Variants in PHACTR1 observed in about 807,000 individuals in gnomAD.
PHACTR1 encodes phosphatase and actin regulator 1.
Under a neutral mutation model 69.2 loss-of-function variants are expected in PHACTR1, and 16 were observed. The observed-to-expected ratio is 0.23, with a 90% CI of 0.16 to 0.35. The LOEUF is 0.35. Among genes scored for constraint, PHACTR1 ranks in the 10% least tolerant of loss-of-function variants. The pLI, the probability that PHACTR1 is intolerant of heterozygous loss-of-function variation, is 1.00. For missense variants in PHACTR1, 510 were observed against 734.7 expected (o/e 0.69, Z 3.54); for synonymous variants, 312 against 284.5 (o/e 1.10, Z -0.97).
At chr6:12,904,348 A>G (rs1179576472) in intron 4 of PHACTR1, among the ~76,000 whole-genome samples, 6 of 152,038 alleles carry the variant, frequency 3.9e-5, no homozygotes, top group Admixed American at 2.6e-4. Context: ...CCTGCCCAAC[A>G]TGGTGAAACC....
intron 4 of PHACTR1, among the ~76,000 whole-genome samples, chr6:12,990,851 C>T (rs1397140695): frequency 1.3e-5 from 2 of 152,036 alleles, no homozygotes; most frequent in African/African-American, 2.4e-5. Context: ...TGATCTTTCC[C>T]AGAGACGACC....
At chr6:12,738,904 CT>C (rs1764673484) in intron 3 of PHACTR1, among the ~76,000 whole-genome samples, 1 of 152,032 alleles carries the variant, frequency 6.6e-6, no homozygotes, top group Non-Finnish European at 1.5e-5. Flanking sequence ...GAGCCTTCCC[CT>C]ATTCTGAATT....
At chr6:13,156,113 T>A (rs1473499408) in intron 5 of PHACTR1, among the ~76,000 whole-genome samples, 1 of 152,198 alleles carries the variant, frequency 6.6e-6, no homozygotes, top group Non-Finnish European at 1.5e-5. Flanking sequence ...GCCCTTCCAC[T>A]TACAGCTGTG....
chr6:12,925,916 C>T (rs756525833), intron 4 of PHACTR1, among the ~76,000 whole-genome samples: 5 of 152,230 alleles, frequency 3.3e-5, no homozygotes, highest in Non-Finnish European at 7.3e-5. Context: ...CACTTTCCAT[C>T]CTAACATGAA....
intron 4 of PHACTR1, among the ~76,000 whole-genome samples, chr6:12,920,484 T>C (rs1309358925): frequency 6.6e-6 from 1 of 152,242 alleles, no homozygotes; most frequent in Non-Finnish European, 1.5e-5. Flanking sequence ...GAGTCTGACT[T>C]TGCAGTGATG....
In PHACTR1 at chr6:12,870,937, A is replaced by T. The variant is rs1014108995; in HGVS notation, c.250+121147A>T. Among the ~76,000 whole-genome samples the T allele has an allele frequency of 4.6e-5, 7 of 152,202 alleles. No individual in the cohort carries two copies. The East Asian group carries it at 9.6e-4, about 21-fold the overall frequency. On this transcript the variant is annotated intron_variant, in intron 4 of 14. Coordinates refer to ENST00000332995, the MANE Select transcript of PHACTR1 (RefSeq NM_030948.6). ...TACGTGGGGAAAGTAGTTAATCCTC[A>T]TACTCAGGAAATAAAATGACTGTCT...
At chr6:12,805,650 G>A (rs1774230600) in intron 4 of PHACTR1, among the ~76,000 whole-genome samples, 2 of 151,296 alleles carry the variant, frequency 1.3e-5, no homozygotes, top group South Asian at 4.2e-4. Context: ...GCCCAGGCTG[G>A]AGTGCAATGG....
At chr6:13,272,995 T>TAGA in intron 11 of PHACTR1, 80 bp downstream of exon 11, 1 of 1,567,094 alleles carries the variant, frequency 6.4e-7, no homozygotes, top group South Asian at 1.1e-5. Context: ...ACAAGGTTTC[T>TAGA]ACCTTGCGCC....
rs565614036 is a variant in PHACTR1 at position 12,817,949 on chromosome 6, G to A, written c.250+68159G>A. On this transcript the variant is annotated intron_variant, in intron 4 of 14. Coordinates refer to ENST00000332995, the MANE Select transcript of PHACTR1 (RefSeq NM_030948.6). The stretch of plus-strand genomic sequence containing the variant: ...CACCATTCTCCTGCCTCAGCCTCCC[G>A]AGTAGCTGGGACTACAGGCGCCTGC... Among the ~76,000 whole-genome samples the A allele has an allele frequency of 2.7e-3, 402 of 151,192 alleles. 2 individuals carry two copies. Among genetic ancestry groups the A allele is most frequent in the African/African-American group, 8.1e-3 (335 of 41,174 alleles).
Position 13,053,455 on chromosome 6 carries a change from C to T in PHACTR1, c.341C>T (p.Ala114Val). 1 of 1,613,764 alleles carries T rather than the reference C, an allele frequency of 6.2e-7. No homozygotes were observed. Among genetic ancestry groups the T allele is most frequent in the Non-Finnish European group, 8.5e-7 (1 of 1,179,806 alleles). The change falls in exon 5 of 15, where the codon GCC (alanine) becomes GTC (valine). Residue 114 changes from alanine to valine, a missense_variant. Physicochemically the swap from Ala to Val is moderately conservative, Grantham distance 64. Coordinates refer to ENST00000332995, the MANE Select transcript of PHACTR1 (RefSeq NM_030948.6). ...CCCATCCGCAGGAGAAGTAAGTTTG[C>T]CAACCTGGGAAGGATTTTCAAGCCT... ...TPPIRRRSKF[A>V]NLGRIFKPWK... is the part of the protein sequence containing the mutation.
At chr6:13,024,604 AC>A (rs1162520518) in intron 4 of PHACTR1, among the ~76,000 whole-genome samples, 2 of 152,160 alleles carry the variant, frequency 1.3e-5, no homozygotes, top group Non-Finnish European at 2.9e-5. Context: ...GATACAGTGA[AC>A]CTTTTTTGCC....
At chr6:13,184,650 C>T (rs1056234580) in intron 7 of PHACTR1, 8 of 456,442 alleles carry the variant, frequency 1.8e-5, no homozygotes, top group Non-Finnish European at 2.3e-5. Context: ...CTGGCCTCCT[C>T]GCTGTAGCTC....
At chr6:13,132,720 C>A (rs80217829) in intron 5 of PHACTR1, among the ~76,000 whole-genome samples, 31,148 of 139,368 alleles carry the variant, frequency 0.22, 4,018 homozygotes, top group East Asian at 0.42. Context: ...TTTAAAAATA[C>A]CGTATTGCTA....
intron 8 of PHACTR1, among the ~76,000 whole-genome samples, chr6:13,207,069 ACACATGCACACG>A (rs1415726412): frequency 6.6e-6 from 1 of 152,210 alleles, no homozygotes; most frequent in African/African-American, 2.4e-5. Context: ...ACATGCATGC[ACACATGCACACG>A]CACATGCACG....
intron 10 of PHACTR1, among the ~76,000 whole-genome samples, chr6:13,259,927 G>A (rs1184954129): frequency 6.6e-6 from 1 of 152,208 alleles, no homozygotes; most frequent in African/African-American, 2.4e-5. Context: ...AGTTTGCAGA[G>A]AGAAAAGGGC....
intron 4 of PHACTR1, among the ~76,000 whole-genome samples, chr6:12,785,024 C>T (rs1015383350): frequency 2.0e-5 from 3 of 151,350 alleles, no homozygotes; most frequent in African/African-American, 4.9e-5. Context: ...TTATATTATA[C>T]ATATATATTT....
At chr6:13,084,304 A>T (rs945921216) in intron 5 of PHACTR1, among the ~76,000 whole-genome samples, 3 of 147,038 alleles carry the variant, frequency 2.0e-5, no homozygotes, top group African/African-American at 7.5e-5. Flanking sequence ...GTTCTCACTC[A>T]TAGGTGGGAA....
chr6:13,207,222 T>C (rs1288835794), intron 8 of PHACTR1, among the ~76,000 whole-genome samples: 1 of 152,234 alleles, frequency 6.6e-6, no homozygotes, highest in Non-Finnish European at 1.5e-5. Flanking sequence ...TATAGTACTT[T>C]TTAATTCTGT....
chr6:13,124,388 A>G (rs1044612490), intron 5 of PHACTR1, among the ~76,000 whole-genome samples: 25 of 152,212 alleles, frequency 1.6e-4, no homozygotes, highest in Non-Finnish European at 4.4e-5. Context: ...TATGTTCCCT[A>G]TAATACAAAA....
Sources: allele counts gnomAD v4.1 joint callset (sites outside exome capture counted in the v4.1 genomes callset), GRCh38; gene constraint gnomAD v4.1.1; transcripts MANE v1.5; gene names NCBI Gene and HGNC (gene_info 2026-07-23, HGNC 2026-07-21).